Variants in RASGRF2 observed in about 807,000 individuals in gnomAD.
The protein encoded by RASGRF2 is ras-specific guanine nucleotide-releasing factor 2.
A neutral mutation model predicts 151.0 loss-of-function variants in RASGRF2; 76 were observed. The ratio of observed to expected loss-of-function variants is 0.50; its 90% CI spans 0.42 to 0.61. The LOEUF (loss-of-function observed/expected upper bound fraction) is 0.61. Among genes scored for constraint, RASGRF2 ranks in the 20% least tolerant of loss-of-function variants. The probability of loss-of-function intolerance (pLI) is 0.00; values close to 1 mark genes in which losing one functional copy is unlikely to be tolerated. For synonymous variants in RASGRF2, 504 were observed against 566.5 expected (o/e 0.89, Z 1.57); for missense variants, 1,148 against 1,564.6 (o/e 0.73, Z 4.49).
chr5:81,064,504 C>T (rs191586348), intron 2 of RASGRF2, among the ~76,000 whole-genome samples: 19 of 152,170 alleles, frequency 1.2e-4, no homozygotes, highest in Admixed American at 1.3e-4. Flanking sequence ...TACTAGAAGC[C>T]GGGGATCATT....
intron 17 of RASGRF2, among the ~76,000 whole-genome samples, chr5:81,176,671 GTA>G (rs1754781751): frequency 6.6e-6 from 1 of 152,282 alleles, no homozygotes; most frequent in Non-Finnish European, 1.5e-5. Context: ...GCAGGCTGAG[GTA>G]TGTGTTCCTC....
At chr5:80,989,058 A>G (rs1257277658) in intron 1 of RASGRF2, among the ~76,000 whole-genome samples, 7 of 151,792 alleles carry the variant, frequency 4.6e-5, no homozygotes, top group African/African-American at 2.4e-5. Flanking sequence ...GCTCACTGCA[A>G]CCTCCACCTC....
At chr5:81,223,455 C>A (rs1372107643) in intron 26 of RASGRF2, 25 of 152,072 alleles carry the variant, frequency 1.6e-4, no homozygotes, top group East Asian at 1.5e-3. Flanking sequence ...TCCTGGCGAA[C>A]ACGGTGAAAC....
Position 81,123,671 on chromosome 5 carries a change from G to T in RASGRF2, c.2500G>T (p.Ala834Ser). The T allele has an allele frequency of 6.2e-7, 1 of 1,614,014 alleles. No homozygotes were observed. Among genetic ancestry groups the T allele is most frequent in the Non-Finnish European group, 8.5e-7 (1 of 1,179,998 alleles). Residue 834 changes from alanine to serine, a missense_variant, in exon 16 of 27, where the codon GCA becomes TCA. Ala to Ser is a moderately conservative substitution (Grantham distance 99). Transcript: ENST00000265080. ...CCTAGAGTCTGCACCAGCGGACCGA[G>T]CAGGAGTGGAAAGCTCCCCTGCAGC... ...AVLESAPADR[A>S]GVESSPAADT...
At chr5:81,150,570 C>G (rs1021684164) in intron 17 of RASGRF2, among the ~76,000 whole-genome samples, 3 of 152,174 alleles carry the variant, frequency 2.0e-5, no homozygotes, top group East Asian at 1.9e-4. Flanking sequence ...TGCATCCCCC[C>G]ATCATCCATT....
chr5:81,158,074 T>C (rs1362611721), intron 17 of RASGRF2, among the ~76,000 whole-genome samples: 1 of 152,184 alleles, frequency 6.6e-6, no homozygotes. Flanking sequence ...CCAAACCATC[T>C]TGAAAAAATA....
intron 2 of RASGRF2, among the ~76,000 whole-genome samples, chr5:81,057,069 G>A (rs1007479492): frequency 3.9e-5 from 6 of 152,128 alleles, no homozygotes; most frequent in East Asian, 1.9e-4. Flanking sequence ...ACACTGATGC[G>A]TGTTGACTCT....
At chr5:81,106,487 A>G (rs527693135) in intron 12 of RASGRF2, among the ~76,000 whole-genome samples, 1 of 152,266 alleles carries the variant, frequency 6.6e-6, no homozygotes, top group South Asian at 2.1e-4. Context: ...CCATCTGCCT[A>G]TAGGATAAAA....
chr5:81,163,093 T>A (rs1754425687), intron 17 of RASGRF2, among the ~76,000 whole-genome samples: 1 of 152,106 alleles, frequency 6.6e-6, no homozygotes, highest in Non-Finnish European at 1.5e-5. Flanking sequence ...GCTGCCCCTA[T>A]GGGAGGCTGC....
At chr5:81,170,839 A>G (rs982059581) in intron 17 of RASGRF2, among the ~76,000 whole-genome samples, 1 of 152,122 alleles carries the variant, frequency 6.6e-6, no homozygotes, top group Admixed American at 6.5e-5. Context: ...TGAGCAGCCA[A>G]CTATTTTCCT....
At chr5:81,046,259 C>T (rs1750833200) in intron 2 of RASGRF2, among the ~76,000 whole-genome samples, 2 of 152,186 alleles carry the variant, frequency 1.3e-5, no homozygotes, top group African/African-American at 2.4e-5. Flanking sequence ...GTGCTATGAA[C>T]ATCACATTGT....
intron 17 of RASGRF2, among the ~76,000 whole-genome samples, chr5:81,132,827 T>C (rs1345899435): frequency 6.6e-6 from 1 of 152,224 alleles, no homozygotes; most frequent in Non-Finnish European, 1.5e-5. Context: ...GCCTGATGTT[T>C]ATACAATTTG....
chr5:81,004,114 GC>G (rs977459417), intron 1 of RASGRF2, among the ~76,000 whole-genome samples: 2 of 152,188 alleles, frequency 1.3e-5, no homozygotes, highest in African/African-American at 2.4e-5. Flanking sequence ...TGACTTCTGT[GC>G]CTTGTGTTTG....
intron 17 of RASGRF2, 30 bp from the exon 18 acceptor site, chr5:81,180,141 ACTGC>A (rs1754879646): frequency 7.5e-7 from 1 of 1,335,542 alleles, no homozygotes; most frequent in Non-Finnish European, 1.1e-6. Context: ...AGTGGCTTTA[ACTGC>A]AACACGTGTG....
intron 1 of RASGRF2, among the ~76,000 whole-genome samples, chr5:81,034,784 C>G (rs951253072): frequency 8.9e-6 from 1 of 112,452 alleles, no homozygotes; most frequent in African/African-American, 3.9e-5. Flanking sequence ...GAACATCACA[C>G]TCTGGGGACT....
chr5:80,980,162 G>A (rs1251222349), intron 1 of RASGRF2, among the ~76,000 whole-genome samples: 1 of 152,166 alleles, frequency 6.6e-6, no homozygotes, highest in African/African-American at 2.4e-5. Flanking sequence ...AGCACTCATG[G>A]ATAAGGAAAC....
At chr5:81,057,751 T>C (rs1368429848) in intron 2 of RASGRF2, among the ~76,000 whole-genome samples, 1 of 152,062 alleles carries the variant, frequency 6.6e-6, no homozygotes, top group African/African-American at 2.4e-5. Context: ...TCCAAGCACT[T>C]TGGGAAGCCG....
chr5:81,113,709 A>G lies in RASGRF2; in HGVS notation c.2259A>G (p.Ser753=). 6.2e-7 allele frequency: 1 copy of G among 1,613,792 alleles called. No individual in the cohort carries two copies. The highest frequency in any genetic ancestry group is 2.2e-5 in the East Asian group (1 of 44,872). ...RKLSLTSPLN[S]KIGALDLTTS... ...TGTCTTTGACTTCTCCCTTGAACTC[A>G]AAGATAGGAGCATTGGACCTGACAA... is the stretch of plus-strand genomic sequence containing the variant. Residue 753 remains serine, a synonymous_variant, in exon 15 of 27, where the codon TCA becomes TCG. Coordinates refer to ENST00000265080, the MANE Select transcript of RASGRF2 (RefSeq NM_006909.3).
chr5:81,050,604 T>G (rs1750980917), intron 2 of RASGRF2, among the ~76,000 whole-genome samples: 1 of 152,072 alleles, frequency 6.6e-6, no homozygotes, highest in South Asian at 2.1e-4. Context: ...ATACAGGAAT[T>G]TTAATGTGTG....
Sources: gnomAD v4.1 joint callset for allele counts (sites outside exome capture counted in the v4.1 genomes callset) on GRCh38, gnomAD v4.1.1 for gene constraint, MANE v1.5 for transcripts, NCBI Gene and HGNC (gene_info 2026-07-23, HGNC 2026-07-21) for gene names.